The following ARHGAP39 variants were observed in gnomAD, a reference collection of about 807,000 sequenced individuals.
The protein encoded by ARHGAP39 is rho GTPase-activating protein 39.
A neutral mutation model predicts 106.9 loss-of-function variants in ARHGAP39; 44 were observed. The ratio of observed to expected loss-of-function variants is 0.41; its 90% CI spans 0.32 to 0.53. The LOEUF is 0.53. ARHGAP39 is among the 20% of genes least tolerant of loss of function. The pLI is 0.21. For missense variants in ARHGAP39, 1,496 were observed against 1,577.3 expected (o/e 0.95, Z 0.87); for synonymous variants, 768 against 693.2 (o/e 1.11, Z -1.69).
chr8:144,646,228 G>C lies in ARHGAP39; in HGVS notation c.-82+39458C>G, dbSNP rs1821440314. Among the ~76,000 whole-genome samples, 1 of 152,218 alleles carries C rather than the reference G, an allele frequency of 6.6e-6. No homozygotes were observed. The highest frequency in any genetic ancestry group is 6.5e-5 in the Admixed American group (1 of 15,282). ...TGCAGACAGGGCAACAACCGCAAAC[G>C]TGTTCAACAGGGAAGAGCACGTATG... On this transcript the variant is annotated intron_variant, in intron 1 of 11. Coordinates refer to ENST00000377307, the MANE Select transcript of ARHGAP39 (RefSeq NM_025251.3). The surrounding 1 kb of genome is among the most constrained non-coding windows in gnomAD (Gnocchi z 5.7).
At chr8:144,628,689 A>G (rs1223544857) in intron 1 of ARHGAP39, among the ~76,000 whole-genome samples, 1 of 152,202 alleles carries the variant, frequency 6.6e-6, no homozygotes, top group Non-Finnish European at 1.5e-5. Flanking sequence ...ACTCCAACCA[A>G]CAGGGAACCC....
At chr8:144,673,031 A>G (rs1822138985) in intron 1 of ARHGAP39, among the ~76,000 whole-genome samples, 2 of 152,178 alleles carry the variant, frequency 1.3e-5, no homozygotes, top group African/African-American at 4.8e-5. Flanking sequence ...AGTCTGGGTA[A>G]CAGGGTGAAA....
intron 1 of ARHGAP39, among the ~76,000 whole-genome samples, chr8:144,672,545 C>T (rs573815731): frequency 1.3e-5 from 2 of 152,326 alleles, no homozygotes; most frequent in African/African-American, 4.8e-5. Context: ...GTGTCCAGCA[C>T]CCTGGCTGCC....
intron 3 of ARHGAP39, among the ~76,000 whole-genome samples, chr8:144,567,451 A>G (rs932013767): frequency 2.6e-5 from 4 of 152,162 alleles, no homozygotes; most frequent in Non-Finnish European, 5.9e-5. Context: ...CGTCAGTATC[A>G]AGGGAAAACA....
At chr8:144,588,901 G>T (rs1465340418) in intron 2 of ARHGAP39, among the ~76,000 whole-genome samples, 1 of 152,264 alleles carries the variant, frequency 6.6e-6, no homozygotes, top group Non-Finnish European at 1.5e-5. Context: ...GGCGTGTCAC[G>T]CAACGCCGGG....
chr8:144,658,744 C>T (rs976747446), intron 1 of ARHGAP39, among the ~76,000 whole-genome samples: 1 of 151,914 alleles, frequency 6.6e-6, no homozygotes, highest in Non-Finnish European at 1.5e-5. Flanking sequence ...ACCGGAGGTC[C>T]TAGCCAGTGC....
rs1821440202 is a variant in ARHGAP39 at position 144,646,225 on chromosome 8, A to C, written c.-82+39461T>G. 6.6e-6 allele frequency among the ~76,000 whole-genome samples: 1 copy of C among 152,154 alleles called. No homozygotes were observed. The highest frequency in any genetic ancestry group is 2.4e-5 in the African/African-American group (1 of 41,452). On this transcript the variant is annotated intron_variant, in intron 1 of 11. Transcript: ENST00000377307. This position sits in a 1 kb window ranked among gnomAD's most constrained non-coding sequence, Gnocchi z 5.7. The stretch of plus-strand genomic sequence containing the variant: ...CTGTGCAGACAGGGCAACAACCGCA[A>C]ACGTGTTCAACAGGGAAGAGCACGT...
intron 2 of ARHGAP39, among the ~76,000 whole-genome samples, chr8:144,587,087 T>A (rs886282904): frequency 6.6e-6 from 1 of 152,216 alleles, no homozygotes; most frequent in Non-Finnish European, 1.5e-5. Flanking sequence ...CCTGCCACCA[T>A]GTGAAGAAGG....
At chr8:144,668,511 T>C (rs1822018857) in intron 1 of ARHGAP39, among the ~76,000 whole-genome samples, 1 of 152,102 alleles carries the variant, frequency 6.6e-6, no homozygotes, top group Admixed American at 6.6e-5. Flanking sequence ...AGAAGACTCA[T>C]TGGCAATGAA....
intron 1 of ARHGAP39, among the ~76,000 whole-genome samples, chr8:144,621,610 AG>A (rs1416523682): frequency 6.6e-6 from 1 of 152,220 alleles, no homozygotes; most frequent in Non-Finnish European, 1.5e-5. Context: ...TCAGCCCAGA[AG>A]TTCAAGACCA....
rs1054507898 is a variant in ARHGAP39 at position 144,603,295 on chromosome 8, G to A, written c.80+2240C>T. 1.1e-4 allele frequency among the ~76,000 whole-genome samples: 16 copies of A among 150,538 alleles called. No homozygotes were observed. The East Asian group carries it at 1.2e-3, about 11-fold the overall frequency. On this transcript the variant is annotated intron_variant, in intron 2 of 11. Transcript: ENST00000377307. ...TGCGTGGAGGTGTGTGTGCGTGCTC[G>A]TGTATCTGTGTGTGTGCGTGTGCAT... is the stretch of plus-strand genomic sequence containing the variant.
Position 144,620,979 on chromosome 8 carries a change from G to A in ARHGAP39, c.-81-15284C>T, listed in dbSNP as rs553669389. 9.3e-4 allele frequency among the ~76,000 whole-genome samples: 142 copies of A among 152,374 alleles called. 2 individuals are homozygous for A. The highest frequency in any genetic ancestry group is 4.3e-4 in the African/African-American group (18 of 41,598). On this transcript the variant is annotated intron_variant, in intron 1 of 11. Transcript: ENST00000377307. ...CACAGACCCGTCCCTTGGCAGCCCC[G>A]CTGTCACCAGCCTGTGAAGGCCTGC...
chr8:144,677,539 A>G (rs1822274991), intron 1 of ARHGAP39, among the ~76,000 whole-genome samples: 1 of 152,264 alleles, frequency 6.6e-6, no homozygotes, highest in Non-Finnish European at 1.5e-5. Context: ...TGGTAACAGC[A>G]TGAAAATTCC....
chr8:144,643,928 G>GA (rs1269987409), intron 1 of ARHGAP39, among the ~76,000 whole-genome samples: 1 of 151,918 alleles, frequency 6.6e-6, no homozygotes, highest in Non-Finnish European at 1.5e-5. Flanking sequence ...TTAAAAGGGA[G>GA]AAAAAAAATA....
At chr8:144,593,083 G>C (rs1433981060) in intron 2 of ARHGAP39, among the ~76,000 whole-genome samples, 4 of 152,212 alleles carry the variant, frequency 2.6e-5, no homozygotes, top group Non-Finnish European at 5.9e-5. Flanking sequence ...CGATCCCCAG[G>C]GGACTCAGGG....
intron 1 of ARHGAP39, among the ~76,000 whole-genome samples, chr8:144,629,249 T>G (rs111899937): frequency 2.0e-5 from 3 of 152,110 alleles, no homozygotes; most frequent in Admixed American, 6.5e-5. Context: ...GCTGCCTGAT[T>G]AGGGGCAGCC....
At chr8:144,648,567 G>T (rs899062403) in intron 1 of ARHGAP39, among the ~76,000 whole-genome samples, 2 of 152,180 alleles carry the variant, frequency 1.3e-5, no homozygotes, top group Non-Finnish European at 2.9e-5. Flanking sequence ...CTGTTTAAAA[G>T]CTTTTTATTC....
rs530284430 is a variant in ARHGAP39, at chr8:144,581,360, C to G, written c.81-83G>C. 32 of 1,378,916 alleles carry G rather than the reference C, an allele frequency of 2.3e-5. No homozygotes were observed. In the South Asian group the frequency reaches 4.3e-4, roughly 18 times the overall value. The allele number at this position is 1,378,916 out of a possible 1,614,324, so 85.4% of individuals were successfully genotyped here. ...CACCCCTGCAGACCCCGGCTCCAGC[C>G]CCAGCTGCGAAACCCAGAAATCCTG... On this transcript the variant is annotated intron_variant, in intron 2 of 11. Transcript: ENST00000377307.
intron 1 of ARHGAP39, among the ~76,000 whole-genome samples, chr8:144,611,960 G>T (rs112570258): frequency 0.039 from 5,888 of 150,542 alleles, 186 homozygotes; most frequent in South Asian, 0.063. Flanking sequence ...AGTGGGCCGA[G>T]ATTGCACCAT....
Sources: gnomAD v4.1 joint callset for allele counts (sites outside exome capture counted in the v4.1 genomes callset) on GRCh38, gnomAD v4.1.1 for gene constraint, Gnocchi (gnomAD v3.1) non-coding constraint, MANE v1.5 for transcripts, NCBI Gene and HGNC (gene_info 2026-07-23, HGNC 2026-07-21) for gene names.